Variants in NUP210 observed in about 807,000 individuals in gnomAD.
NUP210 encodes the protein nuclear pore membrane glycoprotein 210.
A neutral mutation model predicts 196.0 loss-of-function variants in NUP210; 151 were observed. That is an observed-to-expected ratio of 0.77 (90% CI 0.67 to 0.88). NUP210 has a LOEUF of 0.88. Among genes scored for constraint, NUP210 ranks in the 40% least tolerant of loss-of-function variants. The probability of loss-of-function intolerance (pLI) is 0.00; values close to 1 mark genes in which losing one functional copy is unlikely to be tolerated. For synonymous variants in NUP210, 1,070 were observed against 1,052.7 expected, an observed-to-expected ratio of 1.02 and a Z score of -0.32; for missense variants, 2,314 against 2,493.7, an observed-to-expected ratio of 0.93 and a Z score of 1.53.
Position 13,320,891 on chromosome 3 carries a change from C to CAAA in NUP210, c.5166+691_5166+693dup, listed in dbSNP as rs35758403. On this transcript the variant is annotated intron_variant, in intron 36 of 39. Transcript: ENST00000254508. ...TGGGCGACAGAGCAAGACTCCATCT[C>CAAA]AAAAAAAAAAAAAAAGGCTAAACCA... is the stretch of plus-strand genomic sequence containing the variant. Among the ~76,000 whole-genome samples the CAAA allele has an allele frequency of 6.3e-5, 8 of 126,946 alleles. No homozygotes were observed. In the East Asian group the frequency reaches 8.8e-4, roughly 14 times the overall value. The allele number at this position is 126,946 out of a possible 152,430, so 83.3% of individuals were successfully genotyped here.
intron 1 of NUP210, among the ~76,000 whole-genome samples, chr3:13,417,501 G>A (rs1467046964): frequency 6.6e-6 from 1 of 152,180 alleles, no homozygotes; most frequent in Non-Finnish European, 1.5e-5. Flanking sequence ...CTTTCTGGAT[G>A]AAGAGGTAAT....
chr3:13,401,585 G>A (rs1699842395), intron 1 of NUP210, among the ~76,000 whole-genome samples: 2 of 152,160 alleles, frequency 1.3e-5, no homozygotes, highest in Non-Finnish European at 2.9e-5. Context: ...ACACAGCAAA[G>A]CAGGCACAAG....
rs943637809 is a variant in NUP210 at position 13,330,751 on chromosome 3, C to A, written c.3936-117G>T. 5.9e-6 allele frequency: 6 copies of A among 1,015,570 alleles called. No homozygotes were observed. The Admixed American group carries it at 1.6e-4, about 26-fold the overall frequency. 62.9% of individuals were successfully genotyped at this position (1,015,570 alleles called of 1,614,324 possible). On this transcript the variant is annotated intron_variant, in intron 29 of 39. Coordinates refer to ENST00000254508, the MANE Select transcript of NUP210 (RefSeq NM_024923.4). ...CTCATGCTCCTGGGAGGAAAAAAGG[C>A]CCAATCTTGGCCCCACGGACCTCAG...
At chr3:13,328,478 G>A (rs901766348) in intron 31 of NUP210, among the ~76,000 whole-genome samples, 2 of 152,232 alleles carry the variant, frequency 1.3e-5, no homozygotes, top group Non-Finnish European at 2.9e-5. Context: ...GGCAGCCGAA[G>A]CTGAAGGGCC....
intron 16 of NUP210, among the ~76,000 whole-genome samples, chr3:13,357,599 C>G (rs1698224737): frequency 1.3e-5 from 2 of 152,270 alleles, no homozygotes; most frequent in South Asian, 4.1e-4. Context: ...GAGGATGTCC[C>G]ATGTCCCTTA....
At chr3:13,324,610 G>T (rs748437782) in intron 33 of NUP210, among the ~76,000 whole-genome samples, 11 of 151,922 alleles carry the variant, frequency 7.2e-5, no homozygotes, top group Non-Finnish European at 1.6e-4. Context: ...CCTCCCTCCC[G>T]TCTCTCCCAA....
At chr3:13,338,765 C>T (rs761982068) in intron 25 of NUP210, among the ~76,000 whole-genome samples, 17 of 152,154 alleles carry the variant, frequency 1.1e-4, no homozygotes, top group African/African-American at 1.9e-4. Context: ...AGATAGGGCT[C>T]GTGGTGCAGC....
At chr3:13,367,796 T>G (rs563450696) in intron 13 of NUP210, among the ~76,000 whole-genome samples, 2 of 152,190 alleles carry the variant, frequency 1.3e-5, no homozygotes, top group East Asian at 1.9e-4. Context: ...TATAGAGCAA[T>G]AGACTGACCC....
At position 13,368,243 on chromosome 3, in the gene NUP210, T is replaced by G. The variant is rs140957954; in HGVS notation, c.1787-2152A>C. On this transcript the variant is annotated intron_variant, in intron 13 of 39. Transcript: ENST00000254508. Reference sequence around the variant, plus strand: ...GGAGTGAGCCACCACACCAGGATAGTTTTTTCATTTTTTTGTAGAGGCAAG... The same window carrying G: ...GGAGTGAGCCACCACACCAGGATAGGTTTTTCATTTTTTTGTAGAGGCAAG... Among the ~76,000 whole-genome samples the G allele has an allele frequency of 2.5e-3, 382 of 152,132 alleles. 4 individuals carry two copies. The highest frequency in any genetic ancestry group is 6.5e-3 in the African/African-American group (270 of 41,492).
chr3:13,344,746 AC>A (rs1378483244), intron 20 of NUP210: 2 of 165,030 alleles, frequency 1.2e-5, no homozygotes, highest in East Asian at 3.8e-4. Flanking sequence ...CCCCCACTAC[AC>A]TTACGCTCCA....
chr3:13,394,957 TG>T (rs1699605351), intron 3 of NUP210, among the ~76,000 whole-genome samples: 1 of 152,200 alleles, frequency 6.6e-6, no homozygotes, highest in South Asian at 2.1e-4. Flanking sequence ...GAAAGCATGA[TG>T]CCCTCACAGT....
chr3:13,395,646 A>G (rs1699627555), intron 3 of NUP210, among the ~76,000 whole-genome samples: 1 of 152,148 alleles, frequency 6.6e-6, no homozygotes, highest in Non-Finnish European at 1.5e-5. Flanking sequence ...TGGCTAAATA[A>G]TATTCCATTG....
intron 1 of NUP210, among the ~76,000 whole-genome samples, chr3:13,406,667 G>A (rs1029281521): frequency 9.2e-5 from 14 of 152,256 alleles, no homozygotes; most frequent in South Asian, 2.1e-4. Context: ...AACAGAGTCC[G>A]GCGACTTTTC....
In NUP210 at chr3:13,323,338, GCAA is replaced by G; in HGVS notation, c.4736_4738del (p.Val1579del). On this transcript the variant is annotated inframe_deletion, in exon 34 of 40. Transcript: ENST00000254508. This position sits in a 1 kb window ranked among gnomAD's most constrained non-coding sequence, Gnocchi z 4.3. The stretch of plus-strand genomic sequence containing the variant: ...CAGGTTAGAGCTTCTGTCTCCCACG[GCAA>G]CAATCACTTTGGAGGCTGTAGCCTC... 1 of 1,614,104 alleles carries G rather than the reference GCAA, an allele frequency of 6.2e-7. No individual in the cohort carries two copies. Among genetic ancestry groups the G allele is most frequent in the Non-Finnish European group, 8.5e-7 (1 of 1,179,986 alleles).
chr3:13,319,711 C>CCTGTCCCTCCCCATCCTGGT, intron 37 of NUP210, 52 bp downstream of exon 37: 1 of 1,511,534 alleles, frequency 6.6e-7, no homozygotes, highest in Non-Finnish European at 9.2e-7. Context: ...ACCACTCCTG[C>CCTGTCCCTCCCCATCCTGGT]CTGTCCCTCC....
At chr3:13,395,693 T>C (rs910214240) in intron 3 of NUP210, among the ~76,000 whole-genome samples, 3 of 152,216 alleles carry the variant, frequency 2.0e-5, no homozygotes, top group Non-Finnish European at 4.4e-5. Flanking sequence ...CACTCATCCG[T>C]TGATGGACTC....
chr3:13,319,046 G>T (rs1162595736), intron 39 of NUP210, 26 bp downstream of exon 39: 13 of 1,581,142 alleles, frequency 8.2e-6, no homozygotes, highest in Non-Finnish European at 1.1e-5. Flanking sequence ...GCTCTGCCTG[G>T]TTGTGCCTGC....
intron 34 of NUP210, among the ~76,000 whole-genome samples, 187 bp from the exon 35 acceptor site, chr3:13,322,526 T>C (rs1210283396): frequency 6.6e-6 from 1 of 152,224 alleles, no homozygotes; most frequent in Non-Finnish European, 1.5e-5. Flanking sequence ...ACATATCATA[T>C]GGAAGAGGAT....
At chr3:13,385,929 A>T (rs996711634) in intron 6 of NUP210, among the ~76,000 whole-genome samples, 4 of 152,250 alleles carry the variant, frequency 2.6e-5, no homozygotes, top group African/African-American at 9.6e-5. Flanking sequence ...CTAGGAAAAA[A>T]GTGATATAAG....
Sources: allele counts gnomAD v4.1 joint callset (sites outside exome capture counted in the v4.1 genomes callset), GRCh38; gene constraint gnomAD v4.1.1; non-coding constraint Gnocchi (gnomAD v3.1); transcripts MANE v1.5; gene names NCBI Gene and HGNC (gene_info 2026-07-23, HGNC 2026-07-21).